The following HTR1F variants were observed in gnomAD, a reference collection of about 807,000 sequenced individuals.
HTR1F encodes the protein 5-hydroxytryptamine (serotonin) receptor 1F, G protein-coupled.
Under a neutral mutation model 24.0 loss-of-function variants are expected in HTR1F, and 17 were observed. The observed-to-expected ratio is 0.71, with a 90% CI of 0.48 to 1.06. The LOEUF (loss-of-function observed/expected upper bound fraction) is 1.06. Among genes scored for constraint, HTR1F ranks in the 50% least tolerant of loss-of-function variants. HTR1F has a pLI of 0.00. For missense variants in HTR1F, 391 were observed against 427.8 expected (o/e 0.91, Z 0.76); for synonymous variants, 186 against 156.8 (o/e 1.19, Z -1.39).
At chr3:87,802,275 C>A (rs1251091693) in intron 1 of HTR1F, among the ~76,000 whole-genome samples, 1 of 92,012 alleles carries the variant, frequency 1.1e-5, no homozygotes, top group Non-Finnish European at 1.9e-5. Flanking sequence ...TCTTTCCTTC[C>A]CTTCTTCCCT....
intron 2 of HTR1F, among the ~76,000 whole-genome samples, chr3:87,826,061 T>TCACTAGAGGATAATTTC (rs1410514678): frequency 2.0e-4 from 30 of 152,356 alleles, no homozygotes; most frequent in African/African-American, 7.0e-4. Flanking sequence ...TATTGAATGC[T>TCACTAGAGGATAATTTC]CACTAGAGGA....
At position 87,976,037 on chromosome 3, in the gene HTR1F, T is replaced by C. The variant is rs567222331; in HGVS notation, c.-42-14671T>C. On this transcript the variant is annotated intron_variant, in intron 2 of 2. Transcript: ENST00000319595. ...TGTCAGTATTAATCATTTGTCTTGT[T>C]TATGCTACTCAGTTAATCAGCTGGT... Among the ~76,000 whole-genome samples the C allele has an allele frequency of 9.8e-5, 15 of 152,340 alleles. 1 individual carries two copies. Among genetic ancestry groups the C allele is most frequent in the Non-Finnish European group, 1.3e-4 (9 of 68,022 alleles).
intron 2 of HTR1F, among the ~76,000 whole-genome samples, chr3:87,940,166 G>A (rs1442666982): frequency 6.6e-6 from 1 of 152,172 alleles, no homozygotes. Flanking sequence ...CCATGTAGTT[G>A]TGCAGTTTTG....
intron 2 of HTR1F, among the ~76,000 whole-genome samples, chr3:87,848,506 G>A (rs1329596163): frequency 1.3e-5 from 2 of 151,598 alleles, no homozygotes; most frequent in East Asian, 1.9e-4. Flanking sequence ...AGCTTTTTAG[G>A]TTATTGAGCT....
chr3:87,870,548 C>G (rs1215242458), intron 2 of HTR1F, among the ~76,000 whole-genome samples: 2 of 152,004 alleles, frequency 1.3e-5, no homozygotes, highest in African/African-American at 4.8e-5. Flanking sequence ...AGAAAAAATG[C>G]CCAAAACACA....
intron 2 of HTR1F, among the ~76,000 whole-genome samples, chr3:87,830,335 G>C (rs1418938013): frequency 6.6e-6 from 1 of 152,088 alleles, no homozygotes; most frequent in Non-Finnish European, 1.5e-5. Context: ...CCTCCAAGCA[G>C]TATATTTTTA....
intron 2 of HTR1F, among the ~76,000 whole-genome samples, chr3:87,917,591 G>T (rs1454551251): frequency 2.0e-5 from 3 of 151,870 alleles, no homozygotes; most frequent in Non-Finnish European, 2.9e-5. Flanking sequence ...ACAACTTTAT[G>T]TGCATAAACT....
chr3:87,870,929 T>C (rs571385714), intron 2 of HTR1F, among the ~76,000 whole-genome samples: 2 of 151,196 alleles, frequency 1.3e-5, no homozygotes, highest in Non-Finnish European at 2.9e-5. Flanking sequence ...TCTTCTCTTG[T>C]ATGAAACCAG....
At chr3:87,859,860 GA>G (rs34603610) in intron 2 of HTR1F, among the ~76,000 whole-genome samples, 117 of 151,976 alleles carry the variant, frequency 7.7e-4, no homozygotes, top group African/African-American at 2.6e-3. Context: ...TAAAGCTGGG[GA>G]AAAAAAGTAG....
chr3:87,890,050 G>C (rs1285490171), intron 2 of HTR1F, among the ~76,000 whole-genome samples: 1 of 152,180 alleles, frequency 6.6e-6, no homozygotes, highest in Non-Finnish European at 1.5e-5. Flanking sequence ...TTGTGTACTT[G>C]TGTACCCAGA....
At chr3:87,969,257 G>A (rs1166454922) in intron 2 of HTR1F, among the ~76,000 whole-genome samples, 2 of 152,182 alleles carry the variant, frequency 1.3e-5, no homozygotes, top group Non-Finnish European at 2.9e-5. Flanking sequence ...CCAGACCCTG[G>A]AATGGTAGGT....
chr3:87,804,998 G>A (rs1355502926), intron 1 of HTR1F, among the ~76,000 whole-genome samples: 1 of 151,628 alleles, frequency 6.6e-6, no homozygotes, highest in Admixed American at 6.6e-5. Flanking sequence ...TTTTTTTCTA[G>A]AGTCAACCTT....
intron 2 of HTR1F, among the ~76,000 whole-genome samples, chr3:87,844,935 G>A (rs1207266906): frequency 2.0e-5 from 3 of 149,458 alleles, no homozygotes; most frequent in African/African-American, 7.7e-5. Context: ...GGTTACTGTA[G>A]CCTTGTAGTA....
chr3:87,904,794 T>C (rs1400168856), intron 2 of HTR1F, among the ~76,000 whole-genome samples: 1 of 152,040 alleles, frequency 6.6e-6, no homozygotes, highest in African/African-American at 2.4e-5. Flanking sequence ...AGTAAGCTAA[T>C]CTAGATTGAT....
chr3:87,932,810 T>A (rs1302034037), intron 2 of HTR1F, among the ~76,000 whole-genome samples: 1 of 151,780 alleles, frequency 6.6e-6, no homozygotes, highest in Non-Finnish European at 1.5e-5. Flanking sequence ...CTAAAGCTAT[T>A]CCAATCAATA....
intron 2 of HTR1F, among the ~76,000 whole-genome samples, chr3:87,892,138 A>C (rs532564699): frequency 2.1e-4 from 32 of 152,296 alleles, no homozygotes; most frequent in South Asian, 1.7e-3. Context: ...TTCTGTTCTT[A>C]TTATTGGGGA....
chr3:87,846,053 A>G (rs1704934268), intron 2 of HTR1F, among the ~76,000 whole-genome samples: 1 of 151,934 alleles, frequency 6.6e-6, no homozygotes, highest in Admixed American at 6.6e-5. Flanking sequence ...GCAGTAAACC[A>G]AATTTCCTAC....
chr3:87,853,368 C>G (rs1705130568), intron 2 of HTR1F, among the ~76,000 whole-genome samples: 1 of 152,006 alleles, frequency 6.6e-6, no homozygotes, highest in East Asian at 1.9e-4. Flanking sequence ...TAATGACCTC[C>G]AGCTCCATCC....
rs190308331 is a variant in HTR1F, at chr3:87,951,325, T to C, written c.-42-39383T>C. 5.1e-3 allele frequency among the ~76,000 whole-genome samples: 776 copies of C among 152,270 alleles called. 6 individuals are homozygous for C. The highest frequency in any genetic ancestry group is 6.8e-3 in the Non-Finnish European group (465 of 68,010). On this transcript the variant is annotated intron_variant, in intron 2 of 2. Coordinates refer to ENST00000319595, the MANE Select transcript of HTR1F (RefSeq NM_001322209.2). ...ACTATGTGCTAGACACTGTACAGTT[T>C]AGATGTATCATTTTAGTTCATCTTC... is the stretch of plus-strand genomic sequence containing the variant.
Sources: allele counts gnomAD v4.1 joint callset (sites outside exome capture counted in the v4.1 genomes callset), GRCh38; gene constraint gnomAD v4.1.1; transcripts MANE v1.5; gene names NCBI Gene and HGNC (gene_info 2026-07-23, HGNC 2026-07-21).